Variants in ATE1 observed in about 807,000 individuals in gnomAD.
ATE1 encodes the protein arginyl-tRNA--protein transferase 1.
A neutral mutation model predicts 70.5 loss-of-function variants in ATE1; 36 were observed. The ratio of observed to expected loss-of-function variants is 0.51; its 90% CI spans 0.39 to 0.67. The LOEUF (loss-of-function observed/expected upper bound fraction) is 0.67, where lower values mean the gene tolerates loss of function less well. Among genes scored for constraint, ATE1 ranks in the 30% least tolerant of loss-of-function variants. ATE1 has a pLI of 0.00. For synonymous variants in ATE1, 232 were observed against 219.3 expected, an observed-to-expected ratio of 1.06 and a Z score of -0.51; for missense variants, 593 against 629.5, an observed-to-expected ratio of 0.94 and a Z score of 0.62.
chr10:121,786,680 G>A (rs1946228386), intron 11 of ATE1, among the ~76,000 whole-genome samples: 2 of 151,948 alleles, frequency 1.3e-5, no homozygotes, highest in Admixed American at 1.3e-4. Flanking sequence ...GGCATCACAG[G>A]GTAGCAGCAT....
At chr10:121,855,207 A>G (rs977013757) in intron 8 of ATE1, among the ~76,000 whole-genome samples, 1 of 152,162 alleles carries the variant, frequency 6.6e-6, no homozygotes, top group Non-Finnish European at 1.5e-5. Flanking sequence ...TTTTGCTCCA[A>G]TCTCACTCTG....
At chr10:121,914,464 G>A (rs372748626) in intron 3 of ATE1, among the ~76,000 whole-genome samples, 8 of 151,520 alleles carry the variant, frequency 5.3e-5, no homozygotes, top group African/African-American at 1.9e-4. Context: ...ACAAAGCAAT[G>A]CTGTTTTAAC....
chr10:121,861,298 A>G (rs941474943), intron 8 of ATE1, among the ~76,000 whole-genome samples: 10 of 152,236 alleles, frequency 6.6e-5, no homozygotes, highest in African/African-American at 2.4e-4. Flanking sequence ...TTTAATGTTT[A>G]GTTTTTTATT....
At chr10:121,864,058 T>C (rs540192395) in intron 8 of ATE1, among the ~76,000 whole-genome samples, 1 of 152,310 alleles carries the variant, frequency 6.6e-6, no homozygotes, top group East Asian at 1.9e-4. Flanking sequence ...TCTGCCCTAA[T>C]AGTATAGTCA....
At chr10:121,873,827 C>A (rs1051429730) in intron 7 of ATE1, among the ~76,000 whole-genome samples, 1 of 152,030 alleles carries the variant, frequency 6.6e-6, no homozygotes, top group Non-Finnish European at 1.5e-5. Context: ...AAATTCCTAT[C>A]TTTTAAAGAA....
intron 10 of ATE1, among the ~76,000 whole-genome samples, chr10:121,833,886 T>C (rs902695580): frequency 2.6e-5 from 4 of 152,188 alleles, no homozygotes; most frequent in Non-Finnish European, 2.9e-5. Context: ...ACAGTGATTC[T>C]CTAGTCTGAC....
chr10:121,915,315 G>C (rs1951604451), intron 3 of ATE1, among the ~76,000 whole-genome samples: 1 of 152,174 alleles, frequency 6.6e-6, no homozygotes, highest in African/African-American at 2.4e-5. Flanking sequence ...GAAAACTGAA[G>C]TTGAAGAAAC....
chr10:121,864,368 T>C (rs1320867849), intron 8 of ATE1, among the ~76,000 whole-genome samples: 1 of 152,192 alleles, frequency 6.6e-6, no homozygotes, highest in Non-Finnish European at 1.5e-5. Flanking sequence ...GAGAATCTAA[T>C]ACCACAGCAC....
intron 10 of ATE1, among the ~76,000 whole-genome samples, chr10:121,828,860 C>T (rs1477841128): frequency 6.6e-6 from 1 of 152,206 alleles, no homozygotes; most frequent in African/African-American, 2.4e-5. Flanking sequence ...TTCAGACCTG[C>T]TGTTCAATAC....
Position 121,757,469 on chromosome 10 carries a change from A to AT in ATE1, c.1379-13612dup, listed in dbSNP as rs533600639. Among the ~76,000 whole-genome samples the AT allele has an allele frequency of 4.3e-4, 66 of 152,240 alleles. 1 individual carries two copies. The East Asian group carries it at 0.01, about 24-fold the overall frequency. ...TGGTACCAATTTACTGTATTAGTCC[A>AT]TTTTCAGGCTGCTGATAAAGACATA... On this transcript the variant is annotated intron_variant, in intron 11 of 11. Transcript: ENST00000224652.
chr10:121,840,496 T>C (rs1948588681), intron 9 of ATE1, among the ~76,000 whole-genome samples: 1 of 152,096 alleles, frequency 6.6e-6, no homozygotes. Flanking sequence ...AAGTAGAAGA[T>C]AATGATGACA....
At chr10:121,875,232 C>T (rs981232669) in intron 7 of ATE1, among the ~76,000 whole-genome samples, 1 of 149,806 alleles carries the variant, frequency 6.7e-6, no homozygotes, top group Non-Finnish European at 1.5e-5. Context: ...TCCTTTTTTG[C>T]CTGAGGATTA....
intron 10 of ATE1, among the ~76,000 whole-genome samples, chr10:121,804,283 T>G (rs368004613): frequency 6.6e-6 from 1 of 152,322 alleles, no homozygotes. Context: ...CCCTTAGTTC[T>G]TCATTCAATG....
At chr10:121,924,445 A>G (rs546155677) in intron 1 of ATE1, 116 bp from the exon 2 acceptor site, 1 of 962,240 alleles carries the variant, frequency 1.0e-6, no homozygotes. Context: ...TCATGCCTGT[A>G]ATCCCAGCAC....
chr10:121,752,846 A>G (rs934314395), intron 11 of ATE1, among the ~76,000 whole-genome samples: 1 of 152,040 alleles, frequency 6.6e-6, no homozygotes, highest in Non-Finnish European at 1.5e-5. Flanking sequence ...TTTCATTTCC[A>G]TGTGAATTTT....
chr10:121,898,277 T>G (rs1950853438), intron 7 of ATE1, among the ~76,000 whole-genome samples: 1 of 152,228 alleles, frequency 6.6e-6, no homozygotes, highest in Non-Finnish European at 1.5e-5. Context: ...ATTCCGTTTT[T>G]CACTTTCAGT....
At chr10:121,899,277 C>T (rs1222804027) in intron 7 of ATE1, among the ~76,000 whole-genome samples, 1 of 152,104 alleles carries the variant, frequency 6.6e-6, no homozygotes, top group Non-Finnish European at 1.5e-5. Context: ...ATGATCGCTA[C>T]TTTTGCCACC....
At chr10:121,923,299 T>C (rs1951954086) in intron 2 of ATE1, among the ~76,000 whole-genome samples, 3 of 152,130 alleles carry the variant, frequency 2.0e-5, no homozygotes, top group Admixed American at 2.0e-4. Flanking sequence ...GCCAAGATCT[T>C]ACAAAAAACT....
chr10:121,773,700 A>G (rs1945616969), intron 11 of ATE1, among the ~76,000 whole-genome samples: 1 of 152,222 alleles, frequency 6.6e-6, no homozygotes, highest in African/African-American at 2.4e-5. Flanking sequence ...TCCTATATAC[A>G]GCAGTATTGC....
Sources: allele counts gnomAD v4.1 joint callset (sites outside exome capture counted in the v4.1 genomes callset), GRCh38; gene constraint gnomAD v4.1.1; transcripts MANE v1.5; gene names NCBI Gene and HGNC (gene_info 2026-07-23, HGNC 2026-07-21).